TASP1: variants seen among roughly 807,000 people sequenced by gnomAD.
The protein encoded by TASP1 is threonine aspartase 1.
Under a neutral mutation model 56.6 loss-of-function variants are expected in TASP1, and 16 were observed. That is an observed-to-expected ratio of 0.28 (90% CI 0.19 to 0.43). TASP1 has a LOEUF of 0.43. Among genes scored for constraint, TASP1 ranks in the 20% least tolerant of loss-of-function variants. TASP1 has a pLI of 1.00. For synonymous variants in TASP1, 179 were observed against 184.2 expected, an observed-to-expected ratio of 0.97 and a Z score of 0.23; for missense variants, 393 against 511.6, an observed-to-expected ratio of 0.77 and a Z score of 2.24.
intron 11 of TASP1, among the ~76,000 whole-genome samples, chr20:13,478,110 A>T (rs1347390565): frequency 6.6e-6 from 1 of 152,166 alleles, no homozygotes; most frequent in Non-Finnish European, 1.5e-5. Flanking sequence ...CTTTAGGAAA[A>T]ATACATAAAA....
intron 4 of TASP1, among the ~76,000 whole-genome samples, chr20:13,605,871 C>T (rs190236456): frequency 4.3e-4 from 65 of 152,196 alleles, no homozygotes; most frequent in African/African-American, 1.5e-3. Flanking sequence ...TCCTAGCACA[C>T]TTAGAATAAA....
chr20:13,315,551 A>G, the TASP1 span, among the ~76,000 whole-genome samples: 6 of 152,024 alleles, frequency 3.9e-5, no homozygotes, highest in Non-Finnish European at 5.9e-5. Flanking sequence ...AAACTAATAG[A>G]CTGCAAAAAG....
At chr20:13,607,363 C>A (rs1169639784) in intron 4 of TASP1, among the ~76,000 whole-genome samples, 1 of 152,118 alleles carries the variant, frequency 6.6e-6, no homozygotes, top group Non-Finnish European at 1.5e-5. Flanking sequence ...CACTATAAAC[C>A]ACAACTTGTA....
the TASP1 span, chr20:13,166,498 A>G: frequency 2.6e-5 from 4 of 152,204 alleles, no homozygotes; most frequent in African/African-American, 9.7e-5. Context: ...CTGAAAATGC[A>G]GTTTCCCATC....
chr20:13,481,684 G>A (rs1568858722), intron 11 of TASP1, among the ~76,000 whole-genome samples: 1 of 151,956 alleles, frequency 6.6e-6, no homozygotes, highest in East Asian at 1.9e-4. Context: ...AATGTTGAGC[G>A]CTTTTTCATA....
the TASP1 span, among the ~76,000 whole-genome samples, chr20:13,336,051 AAAG>A: frequency 3.3e-5 from 5 of 152,236 alleles, no homozygotes; most frequent in African/African-American, 4.8e-5. Flanking sequence ...ACACAGTTAA[AAAG>A]AAGATCTTAA....
the TASP1 span, among the ~76,000 whole-genome samples, chr20:13,152,201 G>A: frequency 1.2e-4 from 19 of 152,098 alleles, no homozygotes; most frequent in African/African-American, 4.6e-4. Context: ...GCTTCTCCTT[G>A]CGTATAACAT....
the TASP1 span, among the ~76,000 whole-genome samples, chr20:13,333,765 T>C: frequency 6.6e-6 from 1 of 152,244 alleles, no homozygotes; most frequent in South Asian, 2.1e-4. Context: ...TTTTTATTAC[T>C]TTTTTATTTT....
At chr20:13,426,774 C>T (rs2146127575) in intron 12 of TASP1, among the ~76,000 whole-genome samples, 1 of 152,242 alleles carries the variant, frequency 6.6e-6, no homozygotes, top group South Asian at 2.1e-4. Flanking sequence ...GTTCTTCATT[C>T]CATCTGATCC....
At chr20:13,275,355 T>C in the TASP1 span, among the ~76,000 whole-genome samples, 2 of 152,216 alleles carry the variant, frequency 1.3e-5, no homozygotes, top group Admixed American at 6.5e-5. Context: ...CTCCTTTTTC[T>C]CTAAAATACT....
chr20:13,635,387 C>CTTT (rs34767488), intron 1 of TASP1, among the ~76,000 whole-genome samples: 17 of 129,266 alleles, frequency 1.3e-4, no homozygotes, highest in African/African-American at 2.4e-4. Flanking sequence ...TCAGCAATTT[C>CTTT]TTTTTTTTTT....
At chr20:13,266,568 G>T in the TASP1 span, among the ~76,000 whole-genome samples, 1 of 152,214 alleles carries the variant, frequency 6.6e-6, no homozygotes, top group East Asian at 1.9e-4. Flanking sequence ...TTAACTCATT[G>T]TCGATGTTAA....
chr20:13,243,488 T>C, the TASP1 span, among the ~76,000 whole-genome samples: 3 of 152,218 alleles, frequency 2.0e-5, no homozygotes, highest in Admixed American at 6.5e-5. Context: ...ATATGGCTTA[T>C]GCTTTTAAGA....
chr20:13,567,832 C>T (rs1289372634), intron 7 of TASP1, among the ~76,000 whole-genome samples: 1 of 151,990 alleles, frequency 6.6e-6, no homozygotes, highest in Non-Finnish European at 1.5e-5. Flanking sequence ...TGGAGAGAGG[C>T]GAAGGAGATC....
chr20:13,586,990 A>G (rs1350943522), intron 5 of TASP1, among the ~76,000 whole-genome samples: 4 of 152,084 alleles, frequency 2.6e-5, no homozygotes, highest in Non-Finnish European at 5.9e-5. Flanking sequence ...TATAGTGTGT[A>G]TTTCAAATTG....
the TASP1 span, among the ~76,000 whole-genome samples, chr20:13,147,922 C>T: frequency 7.7e-3 from 1,176 of 152,224 alleles, 3 homozygotes; most frequent in Non-Finnish European, 0.011. Flanking sequence ...TGTTAGAAAA[C>T]GAGATTGCAA....
chr20:13,583,523 T>C (rs1191448734), intron 5 of TASP1, among the ~76,000 whole-genome samples: 1 of 152,266 alleles, frequency 6.6e-6, no homozygotes, highest in African/African-American at 2.4e-5. Flanking sequence ...AAACTTCTAT[T>C]TAAACTATGG....
the TASP1 span, among the ~76,000 whole-genome samples, chr20:13,160,690 T>C: frequency 6.6e-6 from 1 of 152,050 alleles, no homozygotes; most frequent in South Asian, 2.1e-4. Flanking sequence ...ATGGGAAGAG[T>C]CACATAACAT....
chr20:13,164,291 G>T, the TASP1 span: 1 of 467,214 alleles, frequency 2.1e-6, no homozygotes, highest in South Asian at 1.6e-5. Context: ...GAGGCCTGGG[G>T]TAGCATGAGA....
Sources: allele counts gnomAD v4.1 joint callset (sites outside exome capture counted in the v4.1 genomes callset), GRCh38; gene constraint gnomAD v4.1.1; transcripts MANE v1.5; gene names NCBI Gene and HGNC (gene_info 2026-07-23, HGNC 2026-07-21).